The following TBC1D5 variants were observed in gnomAD, a reference collection of about 807,000 sequenced individuals.
TBC1D5 encodes the protein TBC1 domain family member 5.
Under a neutral mutation model 100.3 loss-of-function variants are expected in TBC1D5, and 75 were observed. That is an observed-to-expected ratio of 0.75 (90% CI 0.62 to 0.91). The LOEUF (loss-of-function observed/expected upper bound fraction) is 0.91, where lower values mean the gene tolerates loss of function less well. Among genes scored for constraint, TBC1D5 ranks in the 40% least tolerant of loss-of-function variants. TBC1D5 has a pLI of 0.00. For missense variants in TBC1D5, 910 were observed against 942.4 expected (o/e 0.97, Z 0.45); for synonymous variants, 323 against 325.6 (o/e 0.99, Z 0.09).
At chr3:17,394,790 A>T (rs2093452644) in intron 8 of TBC1D5, among the ~76,000 whole-genome samples, 1 of 152,130 alleles carries the variant, frequency 6.6e-6, no homozygotes, top group African/African-American at 2.4e-5. Context: ...AGGAAAATTA[A>T]GACGACGCAA....
chr3:17,654,106 A>G (rs1401139695), intron 1 of TBC1D5, among the ~76,000 whole-genome samples: 1 of 152,190 alleles, frequency 6.6e-6, no homozygotes. Context: ...TCGACAGCAG[A>G]CTTCAAAATT....
intron 1 of TBC1D5, among the ~76,000 whole-genome samples, chr3:17,643,291 A>ATCGTCG (rs1560358205): frequency 6.6e-6 from 1 of 152,118 alleles, no homozygotes; most frequent in Non-Finnish European, 1.5e-5. Flanking sequence ...TCTTTGGTGT[A>ATCGTCG]TCGTATTATA....
intron 3 of TBC1D5, among the ~76,000 whole-genome samples, chr3:17,506,581 A>G (rs2095846929): frequency 1.3e-5 from 2 of 152,184 alleles, no homozygotes; most frequent in Admixed American, 6.5e-5. Context: ...ATACATTTAC[A>G]TTGTTAATGA....
chr3:17,446,368 C>CA (rs2094794118), intron 3 of TBC1D5, among the ~76,000 whole-genome samples: 1 of 151,860 alleles, frequency 6.6e-6, no homozygotes, highest in African/African-American at 2.4e-5. Flanking sequence ...ATTAAGGTGA[C>CA]AAATCTATTG....
At chr3:17,468,221 A>G (rs973336749) in intron 3 of TBC1D5, among the ~76,000 whole-genome samples, 5 of 152,160 alleles carry the variant, frequency 3.3e-5, no homozygotes, top group African/African-American at 9.7e-5. Context: ...AAAGGATAAA[A>G]TGATTACATT....
intron 3 of TBC1D5, among the ~76,000 whole-genome samples, chr3:17,436,803 A>G (rs2094544363): frequency 6.6e-6 from 1 of 152,236 alleles, no homozygotes; most frequent in African/African-American, 2.4e-5. Flanking sequence ...GATAGTACAT[A>G]GTATTACACA....
At chr3:17,161,166 CCCTGGCACTGCT>C (rs766879094) in exon 22 of TBC1D5, 42 of 1,614,096 alleles carry the variant, frequency 2.6e-5, no homozygotes, top group Non-Finnish European at 3.4e-5. Flanking sequence ...GAGAAGGAGC[CCCTGGCACTGCT>C]CCCATCATCA....
At chr3:17,507,789 TAAG>T (rs1456726930) in intron 3 of TBC1D5, among the ~76,000 whole-genome samples, 1 of 152,140 alleles carries the variant, frequency 6.6e-6, no homozygotes, top group Admixed American at 6.6e-5. Context: ...GCTTAAAAAC[TAAG>T]GATAAGGCTT....
intron 17 of TBC1D5, among the ~76,000 whole-genome samples, chr3:17,234,737 G>C (rs1164562116): frequency 2.0e-5 from 3 of 151,998 alleles, no homozygotes; most frequent in African/African-American, 7.2e-5. Context: ...GTTTCCCCTT[G>C]AGCTTTTATA....
At position 17,612,353 on chromosome 3, in the gene TBC1D5, G is replaced by A. The variant is rs1216726497; in HGVS notation, c.-36+11496C>T. On this transcript the variant is annotated intron_variant, in intron 2 of 21. Coordinates refer to ENST00000253692, the Ensembl canonical transcript of TBC1D5. ...AAGAAATAAAATGAGTAGAGGCTAG[G>A]CGCGGTGGCTCATACCTGTAACCCC... is the stretch of plus-strand genomic sequence containing the variant. Among the ~76,000 whole-genome samples the A allele has an allele frequency of 2.6e-5, 4 of 151,280 alleles. No homozygotes were observed. The East Asian group carries it at 5.8e-4, about 22-fold the overall frequency.
chr3:17,536,476 A>T (rs1015607491), intron 2 of TBC1D5, among the ~76,000 whole-genome samples: 2 of 152,222 alleles, frequency 1.3e-5, no homozygotes, highest in South Asian at 4.1e-4. Context: ...CATTTTCATC[A>T]TCTATCTCCA....
exon 9 of TBC1D5, chr3:17,383,961 A>T (rs1575621578): frequency 1.2e-6 from 2 of 1,604,284 alleles, no homozygotes; most frequent in East Asian, 4.5e-5. Context: ...AGAAAAGAAC[A>T]TCTGTAAGAA....
chr3:17,376,013 A>G (rs950563475), intron 10 of TBC1D5, among the ~76,000 whole-genome samples: 4 of 152,168 alleles, frequency 2.6e-5, no homozygotes, highest in African/African-American at 7.2e-5. Context: ...GTTGAATCCA[A>G]TTACAAAAGT....
At chr3:17,497,049 A>G (rs567211266) in intron 3 of TBC1D5, among the ~76,000 whole-genome samples, 1 of 151,290 alleles carries the variant, frequency 6.6e-6, no homozygotes, top group South Asian at 2.1e-4. Flanking sequence ...CTCTGTTTAG[A>G]CAGATGCCTC....
chr3:17,567,290 C>A (rs2096599428), intron 2 of TBC1D5, among the ~76,000 whole-genome samples: 1 of 151,716 alleles, frequency 6.6e-6, no homozygotes, highest in East Asian at 1.9e-4. Context: ...GGGAGAATAA[C>A]CTGACTAAAG....
rs148184046 is a variant in TBC1D5 at position 17,197,413 on chromosome 3, G to A, written c.1753-12205C>T. 2.8e-3 allele frequency among the ~76,000 whole-genome samples: 429 copies of A among 152,130 alleles called. 1 individual carries two copies. The highest frequency in any genetic ancestry group is 0.014 in the Middle Eastern group (4 of 294). ...ACTATTTTAGAGACAAAGTCTCGCT[G>A]TTACCCAGGCTGGAGTACAGTGGTG... On this transcript the variant is annotated intron_variant, in intron 18 of 21. Transcript: ENST00000253692.
At chr3:17,311,774 T>C (rs2084058518) in intron 13 of TBC1D5, among the ~76,000 whole-genome samples, 1 of 152,046 alleles carries the variant, frequency 6.6e-6, no homozygotes, top group African/African-American at 2.4e-5. Context: ...CGTAGAAACG[T>C]TACATTCAAT....
At chr3:17,193,261 G>T (rs1411173450) in intron 18 of TBC1D5, among the ~76,000 whole-genome samples, 1 of 152,204 alleles carries the variant, frequency 6.6e-6, no homozygotes, top group Non-Finnish European at 1.5e-5. Flanking sequence ...AACAGGGGCT[G>T]CAGGGCAAGA....
At position 17,269,146 on chromosome 3, in the gene TBC1D5, G is replaced by A. The variant is rs138231841; in HGVS notation, c.1246-10555C>T. Among the ~76,000 whole-genome samples, 12 of 152,244 alleles carry A rather than the reference G, an allele frequency of 7.9e-5. No homozygotes were observed. In the East Asian group the frequency reaches 1.9e-3, roughly 25 times the overall value. Reference sequence around the variant, plus strand: ...TGCAACACCAGATGAATGGCAGCCAGCCCTGGATAGGAGTAACATTTAGGA... The same window carrying A: ...TGCAACACCAGATGAATGGCAGCCAACCCTGGATAGGAGTAACATTTAGGA... On this transcript the variant is annotated intron_variant, in intron 15 of 21. Transcript: ENST00000253692.
Sources: allele counts gnomAD v4.1 joint callset (sites outside exome capture counted in the v4.1 genomes callset), GRCh38; gene constraint gnomAD v4.1.1; transcripts MANE v1.5; gene names NCBI Gene and HGNC (gene_info 2026-07-23, HGNC 2026-07-21).